PTGES3: variants seen among roughly 807,000 people sequenced by gnomAD.
PTGES3 encodes the protein prostaglandin E synthase 3.
A neutral mutation model predicts 29.9 loss-of-function variants in PTGES3; 5 were observed. The observed-to-expected ratio is 0.17, with a 90% confidence interval of 0.09 to 0.35. PTGES3 has a LOEUF of 0.35. Among genes scored for constraint, PTGES3 ranks in the 10% least tolerant of loss-of-function variants. PTGES3 has a pLI of 1.00. For missense variants in PTGES3, 128 were observed against 190.0 expected (o/e 0.67, Z 1.92); for synonymous variants, 49 against 57.8 (o/e 0.85, Z 0.69).
At chr12:56,687,073 G>C (rs919768691) in intron 1 of PTGES3, among the ~76,000 whole-genome samples, 2 of 139,806 alleles carry the variant, frequency 1.4e-5, no homozygotes, top group Admixed American at 7.4e-5. Context: ...GCAGTGCCAA[G>C]AATTCTTACC....
At chr12:56,666,079 T>C in intron 6 of PTGES3, 125 bp downstream of exon 6, 1 of 1,406,918 alleles carries the variant, frequency 7.1e-7, no homozygotes, top group Non-Finnish European at 9.3e-7. Flanking sequence ...AAATTGCTTT[T>C]CCCTTTTCTT....
intron 1 of PTGES3, among the ~76,000 whole-genome samples, chr12:56,680,713 G>A (rs1952491667): frequency 6.6e-6 from 1 of 151,650 alleles, no homozygotes; most frequent in African/African-American, 2.4e-5. Context: ...GAATACATAT[G>A]TGTTTATTCC....
chr12:56,669,145 G>C (rs1951899747), intron 5 of PTGES3, among the ~76,000 whole-genome samples: 1 of 151,154 alleles, frequency 6.6e-6, no homozygotes, highest in African/African-American at 2.4e-5. Flanking sequence ...GAGTAGCTGG[G>C]ATTACAGGCG....
At chr12:56,684,068 C>T (rs1332875212) in intron 1 of PTGES3, among the ~76,000 whole-genome samples, 1 of 151,948 alleles carries the variant, frequency 6.6e-6, no homozygotes, top group Admixed American at 6.6e-5. Flanking sequence ...GCAAAATATG[C>T]TCACTAGAGT....
chr12:56,669,488 G>T (rs1166545818), intron 5 of PTGES3, among the ~76,000 whole-genome samples: 5 of 152,146 alleles, frequency 3.3e-5, no homozygotes, highest in African/African-American at 9.7e-5. Flanking sequence ...TCACCATGTT[G>T]GTCAGGCTGG....
chr12:56,668,636 A>C (rs187707322), intron 5 of PTGES3, among the ~76,000 whole-genome samples: 1 of 152,246 alleles, frequency 6.6e-6, no homozygotes, highest in Admixed American at 6.5e-5. Context: ...ATATGAATAG[A>C]ACATCCTCCC....
chr12:56,668,374 G>A (rs1951865234), intron 5 of PTGES3, among the ~76,000 whole-genome samples: 1 of 152,150 alleles, frequency 6.6e-6, no homozygotes, highest in African/African-American at 2.4e-5. Flanking sequence ...ATATTCAAGA[G>A]ATATGTAAGA....
At chr12:56,678,878 AG>A (rs1952391579) in intron 1 of PTGES3, among the ~76,000 whole-genome samples, 1 of 152,176 alleles carries the variant, frequency 6.6e-6, no homozygotes, top group Non-Finnish European at 1.5e-5. Flanking sequence ...GCACTTTAGG[AG>A]GCCAAGGTGA....
intron 1 of PTGES3, among the ~76,000 whole-genome samples, chr12:56,683,964 A>AAC (rs1952702724): frequency 7.1e-6 from 1 of 141,762 alleles, no homozygotes; most frequent in South Asian, 2.1e-4. Flanking sequence ...TCTCAAAAAA[A>AAC]AAAAAAACAA....
rs967351942 is a variant in PTGES3 at position 56,688,280 on chromosome 12, G to A, written c.-281C>T. 8.3e-6 allele frequency: 4 copies of A among 484,710 alleles called. No individual in the cohort carries two copies. Among genetic ancestry groups the A allele is most frequent in the African/African-American group, 4.0e-5 (2 of 49,506 alleles). The allele number at this position is 484,710 out of a possible 1,614,324, so 30.0% of individuals were successfully genotyped here. ...CGTGCGTGCGTGCAAACGAGGGGTG[G>A]TGAGGCCGGGCGGCGGCTGGTGACG... On this transcript the variant is annotated 5_prime_UTR_variant, in exon 1 of 8. Transcript: ENST00000262033.
chr12:56,677,997 A>G (rs1952344284), intron 1 of PTGES3, among the ~76,000 whole-genome samples: 1 of 152,078 alleles, frequency 6.6e-6, no homozygotes, highest in African/African-American at 2.4e-5. Context: ...AAGATCTCAA[A>G]TATCTTACGG....
chr12:56,675,004 CA>C (rs1177350725), intron 1 of PTGES3, among the ~76,000 whole-genome samples: 1,378 of 32,278 alleles, frequency 0.043, 9 homozygotes, highest in Middle Eastern at 0.094. Context: ...AACTCGGTCT[CA>C]AAAAAAAAAA....
intron 5 of PTGES3, among the ~76,000 whole-genome samples, chr12:56,669,437 C>T (rs998308016): frequency 1.1e-4 from 16 of 152,188 alleles, no homozygotes; most frequent in African/African-American, 3.6e-4. Flanking sequence ...GCGCCCGCCA[C>T]TGCACCCGGC....
chr12:56,669,721 C>T (rs967529955), intron 5 of PTGES3, among the ~76,000 whole-genome samples: 5 of 152,088 alleles, frequency 3.3e-5, no homozygotes, highest in African/African-American at 1.2e-4. Flanking sequence ...AAGCAATTCC[C>T]GTTTCAGCCT....
At chr12:56,679,434 A>C (rs1952425102) in intron 1 of PTGES3, among the ~76,000 whole-genome samples, 1 of 143,090 alleles carries the variant, frequency 7.0e-6, no homozygotes, top group South Asian at 2.3e-4. Flanking sequence ...AAAAAAAAGC[A>C]TGGAATGTCC....
chr12:56,681,906 G>T (rs1463580758), intron 1 of PTGES3, among the ~76,000 whole-genome samples: 2 of 151,946 alleles, frequency 1.3e-5, no homozygotes, highest in African/African-American at 4.8e-5. Flanking sequence ...CAGCAGTGGC[G>T]CATTCTCGGC....
intron 1 of PTGES3, among the ~76,000 whole-genome samples, chr12:56,684,597 G>A (rs1305158904): frequency 1.3e-5 from 2 of 152,108 alleles, no homozygotes; most frequent in African/African-American, 2.4e-5. Context: ...TTATATACAA[G>A]ACATTAGACA....
chr12:56,669,386 C>G (rs1320772535), intron 5 of PTGES3, among the ~76,000 whole-genome samples: 1 of 152,026 alleles, frequency 6.6e-6, no homozygotes, highest in Admixed American at 6.6e-5. Context: ...TGGGTTCACG[C>G]GATTCTCCTG....
intron 1 of PTGES3, chr12:56,687,381 C>G (rs555653040): frequency 4.6e-5 from 45 of 987,684 alleles, no homozygotes; most frequent in African/African-American, 2.1e-4. Context: ...CCCGTGTTTT[C>G]AAGAGACTGG....
Sources: allele counts gnomAD v4.1 joint callset (sites outside exome capture counted in the v4.1 genomes callset), GRCh38; gene constraint gnomAD v4.1.1; transcripts MANE v1.5; gene names NCBI Gene and HGNC (gene_info 2026-07-23, HGNC 2026-07-21).